The following ZNF526 variants were observed in gnomAD, a reference collection of about 807,000 sequenced individuals.
The protein encoded by ZNF526 is zinc finger protein 526.
Under a neutral mutation model 32.4 loss-of-function variants are expected in ZNF526, and 16 were observed. The ratio of observed to expected loss-of-function variants is 0.49; its 90% CI spans 0.33 to 0.75. The LOEUF (loss-of-function observed/expected upper bound fraction) is 0.75. Ranked by LOEUF, ZNF526 falls within the 30% of genes least tolerant of loss-of-function variation. The pLI is 0.02. For synonymous variants in ZNF526, 355 were observed against 363.4 expected, an observed-to-expected ratio of 0.98 and a Z score of 0.26; for missense variants, 838 against 920.7, an observed-to-expected ratio of 0.91 and a Z score of 1.16.
In ZNF526 at chr19:42,224,591, G is replaced by A; in HGVS notation, c.188G>A (p.Gly63Asp). ...CACCAGTTCATGTGCTCTGAGTGTG[G>A]CAGCCTCTATAACACACTGGAGGAA... is the stretch of plus-strand genomic sequence containing the variant. The part of the protein sequence containing the change: ...QHHQFMCSEC[G>D]SLYNTLEEVL... Residue 63 changes from glycine (G) to aspartate (D), a missense_variant, in exon 3 of 3, where the codon GGC (glycine) becomes GAC (aspartate). Gly to Asp is a moderately conservative substitution (Grantham distance 94). Coordinates refer to ENST00000301215, the MANE Select transcript of ZNF526 (RefSeq NM_133444.3). 6.2e-7 allele frequency: 1 copy of A among 1,614,200 alleles called. No homozygotes were observed.
chr19:42,224,941 C>G lies in ZNF526; in HGVS notation c.538C>G (p.Pro180Ala), dbSNP rs1209176222. 3 of 1,614,196 alleles carry G rather than the reference C, an allele frequency of 1.9e-6. No individual in the cohort carries two copies. The highest frequency in any genetic ancestry group is 1.1e-5 in the South Asian group (1 of 91,086). Residue 180 changes from proline (P) to alanine (A), a missense_variant, in exon 3 of 3, where the codon CCA (proline) becomes GCA (alanine). Transcript: ENST00000301215. The stretch of plus-strand genomic sequence containing the variant: ...ACCAGTGCCACCTCCTTTGCCTCCC[C>G]CAACACCACTGCCTCCACCTTCTCC... ...EPPVPPPLPPPTPLPPPSPPS... is the reference protein window; with the variant it reads ...EPPVPPPLPPATPLPPPSPPS...
At chr19:42,223,423 C>T (rs1238432191) in intron 1 of ZNF526, among the ~76,000 whole-genome samples, 1 of 152,140 alleles carries the variant, frequency 6.6e-6, no homozygotes, top group Admixed American at 6.5e-5. Context: ...GGGCAGATCA[C>T]GAGGTCAGGA....
Position 42,225,597 on chromosome 19 carries a change from C to T in ZNF526, c.1194C>T (p.Asn398=), listed in dbSNP as rs1383551704. 2 of 1,608,898 alleles carry T rather than the reference C, an allele frequency of 1.2e-6. No homozygotes were observed. The highest frequency in any genetic ancestry group is 1.7e-6 in the Non-Finnish European group (2 of 1,176,166). Residue 398 remains asparagine, a synonymous_variant, in exon 3 of 3, where the codon AAC becomes AAT. Coordinates refer to ENST00000301215, the MANE Select transcript of ZNF526 (RefSeq NM_133444.3). Reference sequence around the variant, plus strand: ...GTCGTTGCGGCAAGACGTTCAGCAACATGACCAAGTTCCTCTACCACCGGC... The same window carrying T: ...GTCGTTGCGGCAAGACGTTCAGCAATATGACCAAGTTCCTCTACCACCGGC... ...HRCRCGKTFS[N]MTKFLYHRRT... is the part of the protein sequence containing the mutation.
chr19:42,223,974 A>AATATATATATAT lies in ZNF526; in HGVS notation c.-108-223_-108-212dup, dbSNP rs35211089. The stretch of plus-strand genomic sequence containing the variant: ...CATGGTGAAACCTTGTCTCTACTAA[A>AATATATATATAT]ATATATATATATATATATATATATA... On this transcript the variant is annotated intron_variant, in intron 1 of 2. Transcript: ENST00000301215. Among the ~76,000 whole-genome samples, 137 of 110,600 alleles carry AATATATATATAT rather than the reference A, an allele frequency of 1.2e-3. 2 individuals carry two copies. The highest frequency in any genetic ancestry group is 3.8e-3 in the African/African-American group (114 of 29,928). The allele number at this position is 110,600 out of a possible 152,430, so 72.6% of individuals were successfully genotyped here. A position where few individuals can be genotyped will look rare whatever the true frequency, so the allele number is the denominator to read the frequency against.
At position 42,224,532 on chromosome 19, in the gene ZNF526, G is replaced by A; in HGVS notation, c.129G>A (p.Gly43=). Residue 43 remains glycine (G), a synonymous_variant, in exon 3 of 3, where the codon GGG becomes GGA. Coordinates refer to ENST00000301215, the MANE Select transcript of ZNF526 (RefSeq NM_133444.3). ...CAGAAGTGACTGAGATGACACCTGG[G>A]GAGGCCCTTGCCTCATCCCTCTTCT... ...MSTEVTEMTP[G]EALASSLFFQ... is the part of the protein sequence containing the mutation. 6.2e-7 allele frequency: 1 copy of A among 1,614,232 alleles called. No individual in the cohort carries two copies. The highest frequency in any genetic ancestry group is 1.1e-5 in the South Asian group (1 of 91,090).
In ZNF526 at chr19:42,224,536, GCCCTTGCCTCATCCCTCT is replaced by G; in HGVS notation, c.134_151del (p.Ala45_Phe51delinsVal). On this transcript the variant is annotated inframe_deletion, in exon 3 of 3. Coordinates refer to ENST00000301215, the MANE Select transcript of ZNF526 (RefSeq NM_133444.3). ...AGTGACTGAGATGACACCTGGGGAG[GCCCTTGCCTCATCCCTCT>G]TCTTCCAGCATCACCAGTTCATGTG... 1.2e-6 allele frequency: 2 copies of G among 1,614,216 alleles called. No homozygotes were observed. The highest frequency in any genetic ancestry group is 1.6e-4 in the Middle Eastern group (1 of 6,062).
rs2036149850 is a variant in ZNF526, at chr19:42,224,228, G to A, written c.-95G>A. On this transcript the variant is annotated 5_prime_UTR_variant, in exon 2 of 3. It adds an upstream start codon to the 5' untranslated region. Transcript: ENST00000301215. ...TCTCTCCTGCAGGCTGCCGTGGGGT[G>A]TGTGTAGGCTTCAGAGACATGGGAT... is the stretch of plus-strand genomic sequence containing the variant. 4.5e-6 allele frequency: 3 copies of A among 662,194 alleles called. No individual in the cohort carries two copies. Among genetic ancestry groups the A allele is most frequent in the Admixed American group, 4.2e-5 (2 of 47,770 alleles). 41.0% of individuals were successfully genotyped at this position (662,194 alleles called of 1,614,324 possible).
At chr19:42,224,344 T>G in intron 2 of ZNF526, 39 bp downstream of exon 2, 3 of 1,478,714 alleles carry the variant, frequency 2.0e-6, no homozygotes, top group Non-Finnish European at 2.8e-6. Flanking sequence ...CACCTCCCCT[T>G]GGTTTCCTGC....
chr19:42,224,043 C>T (rs1406409071), intron 1 of ZNF526, among the ~76,000 whole-genome samples, 172 bp from the exon 2 acceptor site: 5 of 146,590 alleles, frequency 3.4e-5, no homozygotes, highest in Admixed American at 2.1e-4. Flanking sequence ...CCTGTAGTCC[C>T]GGCCACTCAG....
intron 1 of ZNF526, among the ~76,000 whole-genome samples, chr19:42,223,429 C>T (rs1452605971): frequency 6.6e-6 from 1 of 152,098 alleles, no homozygotes; most frequent in Non-Finnish European, 1.5e-5. Flanking sequence ...ATCACGAGGT[C>T]AGGAGATTGA....
In ZNF526 at chr19:42,225,980, G is replaced by A. The variant is rs766433660; in HGVS notation, c.1577G>A (p.Arg526His). The part of the protein sequence containing the change: ...SRHQLTHTGA[R>H]PYQCLDCGKR... ...CACCAGCTGACCCATACGGGTGCAC[G>A]TCCCTACCAATGCCTGGACTGTGGC... Residue 526 changes from arginine to histidine, a missense_variant, in exon 3 of 3, where the codon CGT (arginine) becomes CAT (histidine). Physicochemically the swap from Arg to His is conservative, Grantham distance 29. Coordinates refer to ENST00000301215, the MANE Select transcript of ZNF526 (RefSeq NM_133444.3). The A allele has an allele frequency of 6.2e-6, 10 of 1,613,852 alleles. No individual in the cohort carries two copies. Among genetic ancestry groups the A allele is most frequent in the Admixed American group, 3.3e-5 (2 of 60,006 alleles).
intron 1 of ZNF526, among the ~76,000 whole-genome samples, chr19:42,220,862 C>CA (rs2036115416): frequency 6.6e-6 from 1 of 152,186 alleles, no homozygotes; most frequent in Admixed American, 6.5e-5. Context: ...GCAAGCTTTG[C>CA]AGCAGGCACT....
intron 1 of ZNF526, among the ~76,000 whole-genome samples, chr19:42,221,825 G>GA (rs552425209): frequency 0.062 from 7,757 of 125,224 alleles, 223 homozygotes; most frequent in Non-Finnish European, 0.073. Flanking sequence ...TCAAAAGGAG[G>GA]AAAAAAAAAA....
Position 42,225,687 on chromosome 19 carries a change from G to GGCCCCCCCCC in ZNF526, c.1284_1285insGCCCCCCCCC (p.Pro429AlafsTer44). The GGCCCCCCCCC allele has an allele frequency of 1.2e-6, 2 of 1,610,650 alleles. No homozygotes were observed. The highest frequency in any genetic ancestry group is 1.7e-6 in the Non-Finnish European group (2 of 1,178,354). ...CAACAGCTCCCCCAGCTCCAGCGGAGCCCACCCCTCCACCACCACCCCCTG... is the reference window on the plus strand; with the variant it reads ...CAACAGCTCCCCCAGCTCCAGCGGAGGCCCCCCCCCCCCACCCCTCCACCACCACCCCCTG... On this transcript the variant is annotated frameshift_variant, in exon 3 of 3. Transcript: ENST00000301215. LOFTEE classifies it high-confidence loss of function.
At position 42,224,420 on chromosome 19, in the gene ZNF526, C is replaced by T. The variant is rs1318857940; in HGVS notation, c.17C>T (p.Ala6Val). The change falls in exon 3 of 3, where the codon GCT becomes GTT. Residue 6 changes from alanine to valine, a missense_variant. Physicochemically the swap from Ala to Val is moderately conservative, Grantham distance 64 (BLOSUM62 0). Coordinates refer to ENST00000301215, the MANE Select transcript of ZNF526 (RefSeq NM_133444.3). MAEVVAEVAEMPTQMS... is the reference protein window; with the variant it reads MAEVVVEVAEMPTQMS... ...TTCCCCACAATGGCAGAGGTGGTGG[C>T]TGAGGTGGCCGAGATGCCAACACAG... 2 of 1,614,152 alleles carry T rather than the reference C, an allele frequency of 1.2e-6. No individual in the cohort carries two copies. Among genetic ancestry groups the T allele is most frequent in the East Asian group, 2.2e-5 (1 of 44,872 alleles).
At chr19:42,223,139 A>G (rs2036138512) in intron 1 of ZNF526, among the ~76,000 whole-genome samples, 1 of 152,252 alleles carries the variant, frequency 6.6e-6, no homozygotes, top group Non-Finnish European at 1.5e-5. Flanking sequence ...AAAGCATTGC[A>G]CAAAGAGAAA....
Position 42,224,993 on chromosome 19 carries a change from A to G in ZNF526, c.590A>G (p.Tyr197Cys), listed in dbSNP as rs2036159454. Reference protein sequence around the residue: ...SPPSEVKMEPYECPECSTLCA... With the variant: ...SPPSEVKMEPCECPECSTLCA... ...CCATCCGAAGTCAAGATGGAGCCCT[A>G]TGAGTGTCCTGAGTGCTCTACCCTC... Residue 197 changes from tyrosine to cysteine, a missense_variant, in exon 3 of 3, where the codon TAT (tyrosine) becomes TGT (cysteine). Transcript: ENST00000301215. The G allele has an allele frequency of 6.2e-7, 1 of 1,614,154 alleles. No individual in the cohort carries two copies. Among genetic ancestry groups the G allele is most frequent in the Non-Finnish European group, 8.5e-7 (1 of 1,180,006 alleles).
chr19:42,225,803 C>T lies in ZNF526; in HGVS notation c.1400C>T (p.Pro467Leu), dbSNP rs1217481078. ...LSRHRRAVHG[P>L]PERRHRCGVC... ...CGGCACCGGCGTGCAGTACACGGGC[C>T]CCCTGAACGGCGTCACCGCTGTGGG... is the stretch of plus-strand genomic sequence containing the variant. Residue 467 changes from proline to leucine, a missense_variant, in exon 3 of 3, where the codon CCC becomes CTC. Physicochemically the swap from Pro to Leu is moderately conservative, Grantham distance 98. Coordinates refer to ENST00000301215, the MANE Select transcript of ZNF526 (RefSeq NM_133444.3). The T allele has an allele frequency of 1.9e-6, 3 of 1,613,886 alleles. No individual in the cohort carries two copies. Among genetic ancestry groups the T allele is most frequent in the South Asian group, 1.1e-5 (1 of 91,070 alleles).
rs745343168 is a variant in ZNF526 at position 42,225,837 on chromosome 19, C to T, written c.1434C>T (p.Gly478=). The T allele has an allele frequency of 6.2e-7, 1 of 1,614,120 alleles. No individual in the cohort carries two copies. The highest frequency in any genetic ancestry group is 1.1e-5 in the South Asian group (1 of 91,088). ...PERRHRCGVC[G]KGFKKLIHVR... ...GGCGTCACCGCTGTGGGGTTTGTGG[C>T]AAGGGCTTCAAGAAGCTGATCCACG... is the stretch of plus-strand genomic sequence containing the variant. Residue 478 remains glycine, a synonymous_variant, in exon 3 of 3, where the codon GGC becomes GGT. Transcript: ENST00000301215.
Sources: gnomAD v4.1 joint callset for allele counts (sites outside exome capture counted in the v4.1 genomes callset) on GRCh38, gnomAD v4.1.1 for gene constraint, MANE v1.5 for transcripts, NCBI Gene and HGNC (gene_info 2026-07-23, HGNC 2026-07-21) for gene names.